Variants in PDE1B observed in about 807,000 individuals in gnomAD.
PDE1B encodes the protein dual specificity calcium/calmodulin-dependent 3',5'-cyclic nucleotide phosphodiesterase 1B.
A neutral mutation model predicts 66.7 loss-of-function variants in PDE1B; 13 were observed. That is an observed-to-expected ratio of 0.19 (90% CI 0.13 to 0.31). The LOEUF (loss-of-function observed/expected upper bound fraction) is 0.31. Among genes scored for constraint, PDE1B ranks in the 10% least tolerant of loss-of-function variants. The pLI is 1.00. For synonymous variants in PDE1B, 230 were observed against 253.9 expected (o/e 0.91, Z 0.90); for missense variants, 485 against 682.3 (o/e 0.71, Z 3.22).
chr12:54,558,353 C>G (rs558068164), intron 2 of PDE1B, among the ~76,000 whole-genome samples: 2 of 152,054 alleles, frequency 1.3e-5, no homozygotes, highest in African/African-American at 4.8e-5. Context: ...ATCCCACCCC[C>G]ACCCGTAGCT....
rs373143711 is a variant in PDE1B at position 54,575,956 on chromosome 12, G to A, written c.1268-36G>A. The A allele has an allele frequency of 4.3e-6, 6 of 1,409,766 alleles. No homozygotes were observed. The highest frequency in any genetic ancestry group is 6.0e-6 in the Non-Finnish European group (6 of 994,310). 87.3% of individuals were successfully genotyped at this position (1,409,766 alleles called of 1,614,324 possible). Reference sequence around the variant, plus strand: ...GCTCTGCCTAGCCCTCCAGATAATAGTAAGACATCTCTACGGCATTGCTCC... The same window carrying A: ...GCTCTGCCTAGCCCTCCAGATAATAATAAGACATCTCTACGGCATTGCTCC... On this transcript the variant is annotated intron_variant, in intron 12 of 15. Transcript: ENST00000243052. This position sits in a 1 kb window ranked among gnomAD's most constrained non-coding sequence, Gnocchi z 4.0.
chr12:54,561,638 G>A, intron 2 of PDE1B: 1 of 1,533,254 alleles, frequency 6.5e-7, no homozygotes, highest in Non-Finnish European at 8.7e-7. Flanking sequence ...CCATTCTCAG[G>A]TAGGTGCCAG....
Position 54,567,018 on chromosome 12 carries a change from T to C in PDE1B, c.158T>C (p.Ile53Thr), listed in dbSNP as rs1474137642. The change falls in exon 3 of 16, where the codon ATT becomes ACT. Residue 53 changes from isoleucine to threonine, a missense_variant. By Grantham distance (89) the Ile-to-Thr change is moderately conservative. This residue lies in a region of PDE1B where 74 missense variants were observed against 78.7 expected (regional missense o/e 0.94). Transcript: ENST00000243052. ...VKQLENGEINIEELKKNLEYT... is the reference protein window; with the variant it reads ...VKQLENGEINTEELKKNLEYT... ...CAGTTGGAGAATGGGGAGATAAACA[T>C]TGAGGAGCTGAAGAAAAATCTGGAG... The C allele has an allele frequency of 1.9e-6, 3 of 1,612,536 alleles. No individual in the cohort carries two copies. The highest frequency in any genetic ancestry group is 1.7e-5 in the Admixed American group (1 of 59,920).
At chr12:54,572,126 G>GGAGGGCTTCTCAAAGGA (rs1957627245) in intron 6 of PDE1B, 2 of 157,362 alleles carry the variant, frequency 1.3e-5, no homozygotes, top group African/African-American at 4.9e-5. Context: ...AAGTGGTCAG[G>GGAGGGCTTCTCAAAGGA]GAGGGCAACC....
chr12:54,574,039 A>G (rs890992881), intron 10 of PDE1B: 84 of 309,694 alleles, frequency 2.7e-4, no homozygotes, highest in African/African-American at 1.6e-3. Context: ...AATTCATTCA[A>G]CCCTTCTGCC....
intron 6 of PDE1B, chr12:54,572,093 G>A (rs755578885): frequency 3.2e-4 from 49 of 154,820 alleles, no homozygotes; most frequent in Non-Finnish European, 4.5e-4. Context: ...CTGAGGGCGC[G>A]GGTACTGGTG....
At chr12:54,574,794 A>G in intron 10 of PDE1B, 1 of 195,940 alleles carries the variant, frequency 5.1e-6, no homozygotes, top group Non-Finnish European at 1.1e-5. Flanking sequence ...AACACGGTGA[A>G]ACACTGTCTC....
intron 2 of PDE1B, among the ~76,000 whole-genome samples, chr12:54,563,628 A>G (rs1348212414): frequency 6.6e-6 from 1 of 152,146 alleles, no homozygotes; most frequent in African/African-American, 2.4e-5. Flanking sequence ...GGTTAGGACC[A>G]CCATGATTTG....
intron 2 of PDE1B, 100 bp downstream of exon 2, chr12:54,550,085 T>C: frequency 6.7e-7 from 1 of 1,490,464 alleles, no homozygotes; most frequent in Non-Finnish European, 9.0e-7. Flanking sequence ...TGGTAGATTC[T>C]CTTTGGCACA....
chr12:54,558,141 AG>A (rs1957364509), intron 2 of PDE1B, among the ~76,000 whole-genome samples: 1 of 152,086 alleles, frequency 6.6e-6, no homozygotes. Context: ...CAGGCACAGG[AG>A]GAGTCTGAAA....
At chr12:54,572,786 C>G in intron 7 of PDE1B, 45 bp downstream of exon 7, 1 of 1,588,652 alleles carries the variant, frequency 6.3e-7, no homozygotes, top group South Asian at 1.1e-5. Flanking sequence ...GGGCCTATGG[C>G]TACAGAACTG....
intron 2 of PDE1B, among the ~76,000 whole-genome samples, chr12:54,565,785 C>T (rs549376328): frequency 6.6e-6 from 1 of 152,188 alleles, no homozygotes; most frequent in Non-Finnish European, 1.5e-5. Flanking sequence ...CATTCCAAAG[C>T]TGCCGAGACC....
chr12:54,576,843 A>G, intron 14 of PDE1B, 142 bp downstream of exon 14: 1 of 836,492 alleles, frequency 1.2e-6, no homozygotes, highest in Non-Finnish European at 1.9e-6. Flanking sequence ...GACCAGTTAG[A>G]TCACAGGAAA....
chr12:54,550,234 C>T, intron 2 of PDE1B: 1 of 1,353,832 alleles, frequency 7.4e-7, no homozygotes, highest in Non-Finnish European at 9.5e-7. Context: ...CTGTGGACCC[C>T]AGGCTGACAC....
In PDE1B at chr12:54,573,860, A is replaced by AGG; in HGVS notation, c.1064+152_1064+153insGG. The AGG allele has an allele frequency of 3.8e-6, 2 of 523,788 alleles. No individual in the cohort carries two copies. Among genetic ancestry groups the AGG allele is most frequent in the Non-Finnish European group, 6.8e-6 (2 of 293,224 alleles). 32.4% of individuals were successfully genotyped at this position (523,788 alleles called of 1,614,324 possible). The stretch of plus-strand genomic sequence containing the variant: ...GTATCAGACTGCATCTCTATGTGAG[A>AGG]GAGAGAGAGAGTGTGTGTGTGTGTG... On this transcript the variant is annotated intron_variant, in intron 10 of 15. Coordinates refer to ENST00000243052, the MANE Select transcript of PDE1B (RefSeq NM_000924.4). This position sits in a 1 kb window ranked among gnomAD's most constrained non-coding sequence, Gnocchi z 5.2.
In PDE1B at chr12:54,549,712, A is replaced by C; in HGVS notation, c.-74A>C. ...GGAGAGGAGGAGCCGCAGGAGCTGC[A>C]GCTCTGCCAGCTTGGGCCGAGCCTA... On this transcript the variant is annotated 5_prime_UTR_variant, in exon 1 of 16. Coordinates refer to ENST00000243052, the MANE Select transcript of PDE1B (RefSeq NM_000924.4). 1 of 519,146 alleles carries C rather than the reference A, an allele frequency of 1.9e-6. No homozygotes were observed. The highest frequency in any genetic ancestry group is 3.3e-5 in the East Asian group (1 of 30,582). The allele number at this position is 519,146 out of a possible 1,614,324, so 32.2% of individuals were successfully genotyped here. A position where few individuals can be genotyped will look rare whatever the true frequency, so the allele number is the denominator to read the frequency against.
rs1391706411 is a variant in PDE1B, at chr12:54,575,041, C to A, written c.1065-57C>A. ...GTGCGTGGGAAGTTAGGGAATGGTC[C>A]TAACTTCCTTTTCCTAAAAGATCAG... On this transcript the variant is annotated intron_variant, in intron 10 of 15. Coordinates refer to ENST00000243052, the MANE Select transcript of PDE1B (RefSeq NM_000924.4). This position sits in a 1 kb window ranked among gnomAD's most constrained non-coding sequence, Gnocchi z 4.0. 8 of 1,561,436 alleles carry A rather than the reference C, an allele frequency of 5.1e-6. No homozygotes were observed. Among genetic ancestry groups the A allele is most frequent in the Non-Finnish European group, 7.0e-6 (8 of 1,138,464 alleles).
rs761580286 is a variant in PDE1B, at chr12:54,569,655, G to C, written c.477+43G>C. On this transcript the variant is annotated intron_variant, in intron 5 of 15. Coordinates refer to ENST00000243052, the MANE Select transcript of PDE1B (RefSeq NM_000924.4). The surrounding 1 kb of genome is among the most constrained non-coding windows in gnomAD (Gnocchi z 4.4). ...GGGAAAGAGGAGAAAGTTAGGGGAT[G>C]GAATAGCCACTGGGACTTCTAGACC... The C allele has an allele frequency of 7.3e-7, 1 of 1,373,210 alleles. No individual in the cohort carries two copies. Among genetic ancestry groups the C allele is most frequent in the Non-Finnish European group, 1.0e-6 (1 of 960,190 alleles). 85.1% of individuals were successfully genotyped at this position (1,373,210 alleles called of 1,614,324 possible).
At chr12:54,576,199 G>A in intron 13 of PDE1B, 99 bp downstream of exon 13, 1 of 788,798 alleles carries the variant, frequency 1.3e-6, no homozygotes, top group Non-Finnish European at 2.2e-6. Context: ...CCATGGTGGG[G>A]TGGTGGGGAG....
Sources: gnomAD v4.1 joint callset for allele counts (sites outside exome capture counted in the v4.1 genomes callset) on GRCh38, gnomAD v4.1.1 for gene constraint, gnomAD v4.1.1 regional missense constraint, Gnocchi (gnomAD v3.1) non-coding constraint, MANE v1.5 for transcripts, NCBI Gene and HGNC (gene_info 2026-07-23, HGNC 2026-07-21) for gene names.